The following GALNT18 variants were observed in gnomAD, a reference collection of about 807,000 sequenced individuals.
GALNT18 encodes the protein polypeptide N-acetylgalactosaminyltransferase 18.
GALNT18 carries 44 observed loss-of-function variants against 69.5 expected under a neutral mutation model. That is an observed-to-expected ratio of 0.63 (90% CI 0.50 to 0.81). The LOEUF is 0.81. Among genes scored for constraint, GALNT18 ranks in the 40% least tolerant of loss-of-function variants. The probability of loss-of-function intolerance (pLI) is 0.00; values close to 1 mark genes in which losing one functional copy is unlikely to be tolerated. For missense variants in GALNT18, 715 were observed against 810.0 expected (o/e 0.88, Z 1.42); for synonymous variants, 364 against 318.2 (o/e 1.14, Z -1.53).
chr11:11,455,422 G>A (rs1855903587), intron 1 of GALNT18, among the ~76,000 whole-genome samples: 1 of 152,056 alleles, frequency 6.6e-6, no homozygotes, highest in Admixed American at 6.5e-5. Flanking sequence ...GAGGGGAAAT[G>A]GGGCAGAGGG....
chr11:11,434,591 C>T (rs1365046025), intron 2 of GALNT18, among the ~76,000 whole-genome samples: 2 of 152,164 alleles, frequency 1.3e-5, no homozygotes, highest in South Asian at 2.1e-4. Flanking sequence ...GTCAGGAAGG[C>T]CTCTCTGAGG....
At chr11:11,574,844 T>C (rs996215166) in intron 1 of GALNT18, among the ~76,000 whole-genome samples, 6 of 152,242 alleles carry the variant, frequency 3.9e-5, no homozygotes, top group African/African-American at 7.2e-5. Context: ...ACTCTGAGCG[T>C]TCATAAAGGT....
At chr11:11,357,197 G>A (rs1330493279) in intron 6 of GALNT18, among the ~76,000 whole-genome samples, 1 of 152,080 alleles carries the variant, frequency 6.6e-6, no homozygotes, top group Non-Finnish European at 1.5e-5. Flanking sequence ...CAAAGACCTT[G>A]GGAATTTCAG....
chr11:11,379,724 T>C (rs1229424694), intron 3 of GALNT18, among the ~76,000 whole-genome samples: 1 of 152,162 alleles, frequency 6.6e-6, no homozygotes, highest in Non-Finnish European at 1.5e-5. Context: ...CAGGGGAAGA[T>C]CCCTCTGCCA....
At chr11:11,400,550 A>T (rs898190227) in intron 3 of GALNT18, among the ~76,000 whole-genome samples, 2 of 152,188 alleles carry the variant, frequency 1.3e-5, no homozygotes, top group Non-Finnish European at 2.9e-5. Flanking sequence ...AACAACAGAA[A>T]TTTATTTCTC....
intron 1 of GALNT18, among the ~76,000 whole-genome samples, chr11:11,484,593 C>CA (rs1159968814): frequency 0.17 from 14,418 of 82,692 alleles, 1,244 homozygotes; most frequent in Non-Finnish European, 0.19. Context: ...AACTCCATCT[C>CA]AAAAAAAAAA....
At chr11:11,379,719 G>A (rs1034762601) in intron 3 of GALNT18, among the ~76,000 whole-genome samples, 1 of 152,154 alleles carries the variant, frequency 6.6e-6, no homozygotes, top group African/African-American at 2.4e-5. Context: ...ACCCCCAGGG[G>A]AAGATCCCTC....
chr11:11,422,800 A>G (rs544807307), intron 3 of GALNT18, among the ~76,000 whole-genome samples: 17 of 152,270 alleles, frequency 1.1e-4, no homozygotes, highest in African/African-American at 4.1e-4. Context: ...AGGACCCAGC[A>G]GCTGGTGGCA....
Position 11,586,696 on chromosome 11 carries a change from G to A in GALNT18, c.235+34663C>T, listed in dbSNP as rs778625516. Among the ~76,000 whole-genome samples the A allele has an allele frequency of 3.3e-4, 50 of 152,232 alleles. No individual in the cohort carries two copies. The highest frequency in any genetic ancestry group is 4.1e-4 in the African/African-American group (17 of 41,532). ...AGTTCTTAAAATACTGAAATAGGCC[G>A]GGCTTGGTAGCTCATGCCTGTAATC... On this transcript the variant is annotated intron_variant, in intron 1 of 10. Transcript: ENST00000227756. The surrounding 1 kb of genome is among the most constrained non-coding windows in gnomAD (Gnocchi z 4.1).
At chr11:11,324,035 T>C (rs1041958683) in intron 9 of GALNT18, among the ~76,000 whole-genome samples, 3 of 152,170 alleles carry the variant, frequency 2.0e-5, no homozygotes, top group Non-Finnish European at 4.4e-5. Context: ...ACCAGAGAGC[T>C]CATTGTTGTG....
At chr11:11,279,508 T>G (rs541406511) in intron 10 of GALNT18, among the ~76,000 whole-genome samples, 1 of 152,226 alleles carries the variant, frequency 6.6e-6, no homozygotes, top group African/African-American at 2.4e-5. Flanking sequence ...TGGAGATAAC[T>G]CAAACGTCCA....
At position 11,584,004 on chromosome 11, in the gene GALNT18, T is replaced by C. The variant is rs751892861; in HGVS notation, c.235+37355A>G. Among the ~76,000 whole-genome samples, 2 of 151,886 alleles carry C rather than the reference T, an allele frequency of 1.3e-5. No homozygotes were observed. Among genetic ancestry groups the C allele is most frequent in the East Asian group, 1.9e-4 (1 of 5,182 alleles). On this transcript the variant is annotated intron_variant, in intron 1 of 10. Coordinates refer to ENST00000227756, the MANE Select transcript of GALNT18 (RefSeq NM_198516.3). The surrounding 1 kb of genome is among the most constrained non-coding windows in gnomAD (Gnocchi z 4.1). ...GATGAACTGAATTCTTGTGAGGACATAGGAATTCGAAAAGGAATGGCATCA... is the reference window on the plus strand; with the variant it reads ...GATGAACTGAATTCTTGTGAGGACACAGGAATTCGAAAAGGAATGGCATCA...
intron 10 of GALNT18, among the ~76,000 whole-genome samples, chr11:11,285,938 G>A (rs1849184248): frequency 6.6e-6 from 1 of 152,204 alleles, no homozygotes; most frequent in South Asian, 2.1e-4. Context: ...ACTTTGGCTA[G>A]GGGCTCAGTC....
rs561089544 is a variant in GALNT18 at position 11,494,243 on chromosome 11, C to G, written c.236-45307G>C. On this transcript the variant is annotated intron_variant, in intron 1 of 10. Transcript: ENST00000227756. This position sits in a 1 kb window ranked among gnomAD's most constrained non-coding sequence, Gnocchi z 5.7. ...CAGGAGGATGAATTCAAGTCTCCAG[C>G]AGAAAACAAGCACTGCCAAGCAGCA... Among the ~76,000 whole-genome samples, 1 of 152,162 alleles carries G rather than the reference C, an allele frequency of 6.6e-6. No individual in the cohort carries two copies. Among genetic ancestry groups the G allele is most frequent in the Non-Finnish European group, 1.5e-5 (1 of 68,030 alleles).
chr11:11,561,773 G>T (rs1276098244), intron 1 of GALNT18, among the ~76,000 whole-genome samples: 3 of 152,312 alleles, frequency 2.0e-5, no homozygotes, highest in Non-Finnish European at 2.9e-5. Context: ...GTGAGGCAGG[G>T]AGTGGCCCAT....
chr11:11,277,193 G>C (rs1008849968), intron 10 of GALNT18, among the ~76,000 whole-genome samples: 7 of 152,188 alleles, frequency 4.6e-5, no homozygotes, highest in African/African-American at 1.7e-4. Context: ...TTCAGAGCCT[G>C]TTATTGGTCT....
chr11:11,595,644 A>G lies in GALNT18; in HGVS notation c.235+25715T>C, dbSNP rs1038882381. On this transcript the variant is annotated intron_variant, in intron 1 of 10. Coordinates refer to ENST00000227756, the MANE Select transcript of GALNT18 (RefSeq NM_198516.3). The surrounding 1 kb of genome is among the most constrained non-coding windows in gnomAD (Gnocchi z 5.2). ...ATTTCCCAAATGGCTAATTATGTCC[A>G]GCATCCTTTCATGTGGTTACTGAAC... Among the ~76,000 whole-genome samples the G allele has an allele frequency of 1.3e-5, 2 of 152,248 alleles. No individual in the cohort carries two copies. Among genetic ancestry groups the G allele is most frequent in the African/African-American group, 4.8e-5 (2 of 41,468 alleles).
chr11:11,495,938 C>T (rs1196124943), intron 1 of GALNT18, among the ~76,000 whole-genome samples: 3 of 152,240 alleles, frequency 2.0e-5, no homozygotes, highest in African/African-American at 7.2e-5. Context: ...CTTGATGATG[C>T]ACCAGACCCT....
chr11:11,552,781 A>C (rs1378323963), intron 1 of GALNT18, among the ~76,000 whole-genome samples: 1 of 152,172 alleles, frequency 6.6e-6, no homozygotes, highest in Non-Finnish European at 1.5e-5. Flanking sequence ...CCAGCATTCT[A>C]GCTTCTGCAT....
Sources: allele counts gnomAD v4.1 joint callset (sites outside exome capture counted in the v4.1 genomes callset), GRCh38; gene constraint gnomAD v4.1.1; non-coding constraint Gnocchi (gnomAD v3.1); transcripts MANE v1.5; gene names NCBI Gene and HGNC (gene_info 2026-07-23, HGNC 2026-07-21).